Variants in MX2 observed in about 807,000 individuals in gnomAD.
MX2 encodes MX dynamin like GTPase 2.
A neutral mutation model predicts 74.0 loss-of-function variants in MX2; 51 were observed. The ratio of observed to expected loss-of-function variants is 0.69; its 90% CI spans 0.55 to 0.87. The LOEUF is 0.87. MX2 is among the 40% of genes least tolerant of loss of function. The pLI is 0.00. For synonymous variants in MX2, 369 were observed against 339.3 expected (o/e 1.09, Z -0.96); for missense variants, 832 against 908.7 (o/e 0.92, Z 1.09).
intron 5 of MX2, among the ~76,000 whole-genome samples, chr21:41,384,299 G>A (rs2089539513): frequency 6.6e-6 from 1 of 152,134 alleles, no homozygotes; most frequent in African/African-American, 2.4e-5. Flanking sequence ...ACTAATACAG[G>A]TGGGATCAGA....
intron 8 of MX2, 105 bp from the exon 9 acceptor site, chr21:41,398,792 C>T (rs2089768601): frequency 6.7e-7 from 1 of 1,485,868 alleles, no homozygotes; most frequent in Non-Finnish European, 9.0e-7. Flanking sequence ...GTCAAAAATT[C>T]CAGATCTTCC....
intron 5 of MX2, among the ~76,000 whole-genome samples, chr21:41,385,568 A>C (rs920814758): frequency 1.3e-5 from 2 of 152,186 alleles, no homozygotes; most frequent in African/African-American, 4.8e-5. Context: ...CTGTGAGTCC[A>C]TTAGACCTCT....
At position 41,363,105 on chromosome 21, in the gene MX2, A is replaced by G. The variant is rs960022854; in HGVS notation, c.-72+1050A>G. Reference sequence around the variant, plus strand: ...TGTTCTTTCTCATTTTGTGTTTAGAATGTTGTCTCTAGCTGTTTAAAAAGA... The same window carrying G: ...TGTTCTTTCTCATTTTGTGTTTAGAGTGTTGTCTCTAGCTGTTTAAAAAGA... On this transcript the variant is annotated intron_variant, in intron 1 of 13. Coordinates refer to ENST00000330714, the MANE Select transcript of MX2 (RefSeq NM_002463.2). The surrounding 1 kb of genome is among the most constrained non-coding windows in gnomAD (Gnocchi z 4.2). Among the ~76,000 whole-genome samples, 2 of 152,014 alleles carry G rather than the reference A, an allele frequency of 1.3e-5. No homozygotes were observed. Among genetic ancestry groups the G allele is most frequent in the Non-Finnish European group, 1.5e-5 (1 of 68,000 alleles).
rs1029047606 is a variant in MX2 at position 41,401,868 on chromosome 21, C to T, written c.1415-102C>T. On this transcript the variant is annotated intron_variant, in intron 10 of 13. Transcript: ENST00000330714. ...ACAAAACTCCACTTTGCAACATTGC[C>T]TCTGCGTACAGTGGGGAGCAAGACT... 35 of 1,294,614 alleles carry T rather than the reference C, an allele frequency of 2.7e-5. No individual in the cohort carries two copies. In the Admixed American group the frequency reaches 7.9e-4, roughly 29 times the overall value. The allele number at this position is 1,294,614 out of a possible 1,614,324, so 80.2% of individuals were successfully genotyped here. A position where few individuals can be genotyped will look rare whatever the true frequency, so the allele number is the denominator to read the frequency against.
Position 41,402,286 on chromosome 21 carries a change from A to G in MX2, c.1573+158A>G, listed in dbSNP as rs2089824922. The G allele has an allele frequency of 1.2e-6, 1 of 829,402 alleles. No individual in the cohort carries two copies. Among genetic ancestry groups the G allele is most frequent in the African/African-American group, 1.7e-5 (1 of 58,102 alleles). The allele number at this position is 829,402 out of a possible 1,614,324, so 51.4% of individuals were successfully genotyped here. ...TACTCTGTGTGGTCTGTGAGCCAGC[A>G]GCACTGGCAAGGCCTGAGAGCTGGT... On this transcript the variant is annotated intron_variant, in intron 11 of 13. Coordinates refer to ENST00000330714, the MANE Select transcript of MX2 (RefSeq NM_002463.2). The surrounding 1 kb of genome is among the most constrained non-coding windows in gnomAD (Gnocchi z 4.5).
intron 13 of MX2, among the ~76,000 whole-genome samples, chr21:41,407,268 T>A (rs1485473248): frequency 6.6e-6 from 1 of 152,226 alleles, no homozygotes. Context: ...CAAAATTCCT[T>A]ATATTTCTTA....
chr21:41,382,293 C>G (rs914512608), intron 4 of MX2, 117 bp from the exon 5 acceptor site: 1 of 1,294,610 alleles, frequency 7.7e-7, no homozygotes, highest in Non-Finnish European at 1.0e-6. Flanking sequence ...TTCTAAACAC[C>G]AGGGACCTAC....
intron 1 of MX2, among the ~76,000 whole-genome samples, chr21:41,367,741 C>T (rs115187120): frequency 0.034 from 5,164 of 152,276 alleles, 115 homozygotes; most frequent in Middle Eastern, 0.075. Flanking sequence ...AAGTTGACAG[C>T]AACTCCAAAT....
At chr21:41,377,766 G>C in intron 2 of MX2, 23 bp from the exon 3 acceptor site, 3 of 1,591,072 alleles carry the variant, frequency 1.9e-6, no homozygotes, top group Non-Finnish European at 2.6e-6. Context: ...TCAAGGCAGT[G>C]GCATCTGTTC....
chr21:41,378,681 A>G (rs2089447188), intron 3 of MX2, among the ~76,000 whole-genome samples: 1 of 152,226 alleles, frequency 6.6e-6, no homozygotes, highest in Non-Finnish European at 1.5e-5. Flanking sequence ...ATAAAGGAAA[A>G]TGATAAAGGC....
Position 41,402,864 on chromosome 21 carries a change from GT to G in MX2, c.1574-400del. On this transcript the variant is annotated intron_variant, in intron 11 of 13. Transcript: ENST00000330714. The surrounding 1 kb of genome is among the most constrained non-coding windows in gnomAD (Gnocchi z 4.5). ...CCTCGCACGTGCAGCTCACAACAGG[GT>G]TTGTGCTCCTGTGAGAATCTAGTGC... is the stretch of plus-strand genomic sequence containing the variant. 4.8e-6 allele frequency: 1 copy of G among 208,860 alleles called. No individual in the cohort carries two copies. The highest frequency in any genetic ancestry group is 1.0e-5 in the Non-Finnish European group (1 of 100,290). 12.9% of individuals were successfully genotyped at this position (208,860 alleles called of 1,614,324 possible).
At chr21:41,362,750 C>CTTTTTTTT (rs56903696) in intron 1 of MX2, among the ~76,000 whole-genome samples, 18 of 82,158 alleles carry the variant, frequency 2.2e-4, no homozygotes, top group African/African-American at 3.0e-4. Flanking sequence ...GTTTTTTTTT[C>CTTTTTTTT]TTTTTTTTTT....
chr21:41,397,803 A>G, intron 8 of MX2, 112 bp downstream of exon 8: 2 of 829,664 alleles, frequency 2.4e-6, no homozygotes, highest in Non-Finnish European at 3.9e-6. Context: ...GCAAACAAGT[A>G]CCCTCTGAAC....
At chr21:41,404,700 C>CA (rs964829993) in intron 12 of MX2, 2 of 152,042 alleles carry the variant, frequency 1.3e-5, no homozygotes, top group Non-Finnish European at 2.9e-5. Flanking sequence ...GAGAGAAAGT[C>CA]AATCATGCAT....
chr21:41,369,640 A>C (rs2089297890), intron 1 of MX2, among the ~76,000 whole-genome samples: 1 of 152,072 alleles, frequency 6.6e-6, no homozygotes, highest in African/African-American at 2.4e-5. Context: ...GGTATTCCCG[A>C]GAAGTGAGGT....
At chr21:41,405,634 C>T (rs2089875251) in intron 12 of MX2, among the ~76,000 whole-genome samples, 2 of 151,548 alleles carry the variant, frequency 1.3e-5, no homozygotes, top group Admixed American at 1.3e-4. Context: ...GGGCAGGGGA[C>T]ACAAATGTTC....
At position 41,403,294 on chromosome 21, in the gene MX2, T is replaced by A. The variant is rs200394566; in HGVS notation, c.1601T>A (p.Val534Glu). The change falls in exon 12 of 14, where the codon GTG becomes GAG. Residue 534 changes from valine (V) to glutamate (E), a missense_variant. Val to Glu is a moderately radical substitution (Grantham distance 121). Transcript: ENST00000330714. ...MEIIQQAFIN[V>E]AKKHFGEFFN... ...ATTATCCAGCAAGCTTTCATTAACG[T>A]GGCCAAAAAACATTTTGGCGAATTT... is the stretch of plus-strand genomic sequence containing the variant. The A allele has an allele frequency of 6.3e-5, 101 of 1,613,872 alleles. No individual in the cohort carries two copies. The East Asian group carries it at 1.1e-3, about 18-fold the overall frequency.
At position 41,407,869 on chromosome 21, in the gene MX2, C is replaced by T. The variant is rs570348785; in HGVS notation, c.1906-122C>T. On this transcript the variant is annotated intron_variant, in intron 13 of 13. Coordinates refer to ENST00000330714, the MANE Select transcript of MX2 (RefSeq NM_002463.2). Reference sequence around the variant, plus strand: ...TGCTGACCACCGGAGTGGAGGTGGGCGAGACCACCAGGGCTTCGCCAGGCA... The same window carrying T: ...TGCTGACCACCGGAGTGGAGGTGGGTGAGACCACCAGGGCTTCGCCAGGCA... 1.4e-5 allele frequency: 18 copies of T among 1,317,536 alleles called. No homozygotes were observed. In the East Asian group the frequency reaches 1.4e-4, roughly 10 times the overall value. 81.6% of individuals were successfully genotyped at this position (1,317,536 alleles called of 1,614,324 possible).
At chr21:41,401,082 C>T (rs2089806596) in intron 10 of MX2, 1 of 152,244 alleles carries the variant, frequency 6.6e-6, no homozygotes, top group African/African-American at 2.4e-5. Flanking sequence ...AAAACCACCC[C>T]CATGACCTAA....
Sources: gnomAD v4.1 joint callset for allele counts (sites outside exome capture counted in the v4.1 genomes callset) on GRCh38, gnomAD v4.1.1 for gene constraint, Gnocchi (gnomAD v3.1) non-coding constraint, MANE v1.5 for transcripts, NCBI Gene and HGNC (gene_info 2026-07-23, HGNC 2026-07-21) for gene names.